The following ACAP3 variants were observed in gnomAD, a reference collection of about 807,000 sequenced individuals.
ACAP3 encodes the protein arf-GAP with coiled-coil, ANK repeat and PH domain-containing protein 3.
A neutral mutation model predicts 104.1 loss-of-function variants in ACAP3; 56 were observed. The ratio of observed to expected loss-of-function variants is 0.54; its 90% CI spans 0.43 to 0.67. The LOEUF (loss-of-function observed/expected upper bound fraction) is 0.67, where lower values mean the gene tolerates loss of function less well. Ranked by LOEUF, ACAP3 falls within the 30% of genes least tolerant of loss-of-function variation. The pLI, the probability that ACAP3 is intolerant of heterozygous loss-of-function variation, is 0.00. For synonymous variants in ACAP3, 628 were observed against 496.2 expected, an observed-to-expected ratio of 1.27 and a Z score of -3.53; for missense variants, 1,208 against 1,174.9, an observed-to-expected ratio of 1.03 and a Z score of -0.41.
In ACAP3 at chr1:1,295,799, G is replaced by A. The variant is rs750515358; in HGVS notation, c.1642C>T (p.Pro548Ser). The part of the protein sequence containing the change: ...CLRPHSSPRA[P>S]TARRKVRLEP... ...AGCCGGACCTTGCGGCGGGCAGTGG[G>A]AGCGCGGGGAGAGCTGTGGGGCCGC... The change falls in exon 18 of 24, where the codon CCC (proline) becomes TCC (serine). Residue 548 changes from proline (P) to serine (S), a missense_variant. By Grantham distance (74) the Pro-to-Ser change is moderately conservative (BLOSUM62 -1). Transcript: ENST00000354700. 6 of 1,609,470 alleles carry A rather than the reference G, an allele frequency of 3.7e-6. No individual in the cohort carries two copies. The African/African-American group carries it at 8.0e-5, about 21-fold the overall frequency.
At position 1,296,238 on chromosome 1, in the gene ACAP3, C is replaced by A; in HGVS notation, c.1380G>T (p.Leu460=). The A allele has an allele frequency of 6.4e-7, 1 of 1,565,416 alleles. No individual in the cohort carries two copies. Among genetic ancestry groups the A allele is most frequent in the East Asian group, 2.4e-5 (1 of 42,146 alleles). ...VHCSKVRSLT[L]DSWEPELLKL... The stretch of plus-strand genomic sequence containing the variant: ...TTAGCAGCTCAGGCTCCCACGAGTC[C>A]AGCGTCAGGGACCGCACCTTGGAGC... The change falls in exon 16 of 24, where the codon CTG becomes CTT. Residue 460 remains leucine, a synonymous_variant. Coordinates refer to ENST00000354700, the MANE Select transcript of ACAP3 (RefSeq NM_030649.3).
At chr1:1,300,837 T>G (rs888229971) in intron 5 of ACAP3, 145 bp from the exon 6 acceptor site, 1 of 781,660 alleles carries the variant, frequency 1.3e-6, no homozygotes, top group Admixed American at 3.3e-5. Context: ...AATGGTGCTG[T>G]CTCGGCTCAC....
intron 19 of ACAP3, 85 bp from the exon 20 acceptor site, chr1:1,294,901 AC>A: frequency 7.2e-7 from 1 of 1,389,206 alleles, no homozygotes; most frequent in Non-Finnish European, 9.9e-7. Context: ...AACTCCACCC[AC>A]CCTCCAGGGG....
chr1:1,307,644 T>C, intron 1 of ACAP3, 125 bp downstream of exon 1: 1 of 954,180 alleles, frequency 1.0e-6, no homozygotes, highest in Non-Finnish European at 1.3e-6. Context: ...CCGAGGCCGG[T>C]CCTCCAGCCC....
At chr1:1,302,795 T>TAC in intron 4 of ACAP3, 127 bp downstream of exon 4, 1 of 167,382 alleles carries the variant, frequency 6.0e-6, no homozygotes, top group Non-Finnish European at 1.3e-5. Flanking sequence ...AATGTGGGAT[T>TAC]CCCCCCCCCC....
chr1:1,307,196 G>A (rs746104089), intron 1 of ACAP3: 64 of 1,287,056 alleles, frequency 5.0e-5, no homozygotes, highest in Non-Finnish European at 6.1e-5. Context: ...ACGCCTGCAC[G>A]CCACGAATGA....
At chr1:1,304,847 G>A (rs1425264253) in intron 1 of ACAP3, 1 of 152,444 alleles carries the variant, frequency 6.6e-6, no homozygotes. Context: ...AAGACAGGAG[G>A]CAGATGGATC....
chr1:1,292,897 C>T lies in ACAP3; in HGVS notation c.*667G>A, dbSNP rs1030250389. The T allele has an allele frequency of 6.6e-6, 1 of 152,300 alleles. No homozygotes were observed. The highest frequency in any genetic ancestry group is 1.5e-5 in the Non-Finnish European group (1 of 68,088). The allele number at this position is 152,300 out of a possible 1,614,324, so 9.4% of individuals were successfully genotyped here. A position where few individuals can be genotyped will look rare whatever the true frequency, so the allele number is the denominator to read the frequency against. On this transcript the variant is annotated 3_prime_UTR_variant, in exon 24 of 24. Transcript: ENST00000354700. ...CAAAGTGGCAAAGTGGCTTTATGCG[C>T]AGGCTCTGGGCCGAGTACCAGGAGA...
rs189758472 is a variant in ACAP3 at position 1,306,329 on chromosome 1, G to A, written c.47+1440C>T. Among the ~76,000 whole-genome samples, 59 of 151,188 alleles carry A rather than the reference G, an allele frequency of 3.9e-4. 2 individuals are homozygous for A. The highest frequency in any genetic ancestry group is 1.2e-3 in the African/African-American group (50 of 40,500). On this transcript the variant is annotated intron_variant, in intron 1 of 23. Coordinates refer to ENST00000354700, the MANE Select transcript of ACAP3 (RefSeq NM_030649.3). ...GGAGGAGGTCCATTAGGCTTCTGACGGAGGGGCCAGGGAGAAGGTGGGTGC... is the reference window on the plus strand; with the variant it reads ...GGAGGAGGTCCATTAGGCTTCTGACAGAGGGGCCAGGGAGAAGGTGGGTGC...
rs1362539173 is a variant in ACAP3 at position 1,307,877 on chromosome 1, G to A, written c.-62C>T. Reference sequence around the variant, plus strand: ...CGCGGCGCCGAGCGGCAGCCGCGCCGGCCCGGACCGCTCGTCCCGCCCGCG... The same window carrying A: ...CGCGGCGCCGAGCGGCAGCCGCGCCAGCCCGGACCGCTCGTCCCGCCCGCG... On this transcript the variant is annotated 5_prime_UTR_variant, in exon 1 of 24. Coordinates refer to ENST00000354700, the MANE Select transcript of ACAP3 (RefSeq NM_030649.3). 123 of 940,412 alleles carry A rather than the reference G, an allele frequency of 1.3e-4. No individual in the cohort carries two copies. Among genetic ancestry groups the A allele is most frequent in the Non-Finnish European group, 1.5e-4 (122 of 787,940 alleles). The allele number at this position is 940,412 out of a possible 1,614,324, so 58.3% of individuals were successfully genotyped here.
chr1:1,298,552 A>G lies in ACAP3; in HGVS notation c.863+15T>C, dbSNP rs771527821. On this transcript the variant is annotated intron_variant, in intron 11 of 23. Transcript: ENST00000354700. The stretch of plus-strand genomic sequence containing the variant: ...CGCCTAAGGACCCCGCCCCCACCTG[A>G]GGAAGGCCTCTCACCGGTTCCATGT... The G allele has an allele frequency of 7.3e-7, 1 of 1,364,432 alleles. No homozygotes were observed. Among genetic ancestry groups the G allele is most frequent in the South Asian group, 1.2e-5 (1 of 84,450 alleles). The allele number at this position is 1,364,432 out of a possible 1,614,324, so 84.5% of individuals were successfully genotyped here. A position where few individuals can be genotyped will look rare whatever the true frequency, so the allele number is the denominator to read the frequency against.
rs1384307764 is a variant in ACAP3, at chr1:1,294,605, T to C, written c.1936A>G (p.Ser646Gly). 3 of 1,526,362 alleles carry C rather than the reference T, an allele frequency of 2.0e-6. No homozygotes were observed. The highest frequency in any genetic ancestry group is 1.4e-5 in the African/African-American group (1 of 72,114). The allele number at this position is 1,526,362 out of a possible 1,614,324, so 94.6% of individuals were successfully genotyped here. A position where few individuals can be genotyped will look rare whatever the true frequency, so the allele number is the denominator to read the frequency against. ...EEEGAESEESSGEADGDTEAE... is the reference protein window; with the variant it reads ...EEEGAESEESGGEADGDTEAE... The stretch of plus-strand genomic sequence containing the variant: ...TCAGTGTCCCCGTCTGCCTCACCGC[T>C]GGACTCCTCCGACTCTGCACCCTCT... Residue 646 changes from serine to glycine, a missense_variant, in exon 21 of 24, where the codon AGC (serine) becomes GGC (glycine). Ser to Gly is a moderately conservative substitution (Grantham distance 56). Coordinates refer to ENST00000354700, the MANE Select transcript of ACAP3 (RefSeq NM_030649.3).
chr1:1,305,767 C>G (rs955625421), intron 1 of ACAP3: 1 of 152,504 alleles, frequency 6.6e-6, no homozygotes, highest in African/African-American at 2.4e-5. Context: ...GAAGCCCCAC[C>G]CAGGGGAGGG....
At chr1:1,300,252 A>G (rs763147122) in intron 6 of ACAP3, 50 bp from the exon 7 acceptor site, 38 of 1,553,196 alleles carry the variant, frequency 2.4e-5, no homozygotes, top group African/African-American at 4.1e-5. Context: ...AGGCAGCCCC[A>G]AGCCCTGCAC....
rs578064230 is a variant in ACAP3 at position 1,292,554 on chromosome 1, G to C, written c.*1010C>G. On this transcript the variant is annotated 3_prime_UTR_variant, in exon 24 of 24. Transcript: ENST00000354700. ...CAAGAGAGTTGGGGGGCCGGGTCCA[G>C]CGCCCACTGTGCCCTCAGGGAGCCT... 6.6e-6 allele frequency: 1 copy of C among 152,634 alleles called. No homozygotes were observed. Among genetic ancestry groups the C allele is most frequent in the Admixed American group, 6.5e-5 (1 of 15,314 alleles). 9.5% of individuals were successfully genotyped at this position (152,634 alleles called of 1,614,324 possible).
chr1:1,307,151 A>C, intron 1 of ACAP3: 1 of 1,271,662 alleles, frequency 7.9e-7, no homozygotes, highest in Non-Finnish European at 1.0e-6. Context: ...ACACTTGTGC[A>C]CACGTCTGTG....
chr1:1,300,918 T>C (rs1434674836), intron 5 of ACAP3, among the ~76,000 whole-genome samples: 8 of 152,158 alleles, frequency 5.3e-5, no homozygotes, highest in African/African-American at 1.9e-4. Context: ...ATTACAGGCA[T>C]GCGCCACCAG....
At chr1:1,307,078 A>G in intron 1 of ACAP3, 1 of 880,996 alleles carries the variant, frequency 1.1e-6, no homozygotes, top group Middle Eastern at 2.6e-4. Flanking sequence ...GCACTTGGGG[A>G]TGCAGAGAGG....
At chr1:1,304,242 G>A in intron 1 of ACAP3, 99 bp from the exon 2 acceptor site, 1 of 1,427,874 alleles carries the variant, frequency 7.0e-7, no homozygotes, top group Non-Finnish European at 9.6e-7. Flanking sequence ...ACCATGGGAA[G>A]GGGCTTTCAG....
Sources: allele counts gnomAD v4.1 joint callset (sites outside exome capture counted in the v4.1 genomes callset), GRCh38; gene constraint gnomAD v4.1.1; transcripts MANE v1.5; gene names NCBI Gene and HGNC (gene_info 2026-07-23, HGNC 2026-07-21).